Variants in PACC1 observed in about 807,000 individuals in gnomAD.
PACC1 encodes the protein proton activated chloride channel 1.
Under a neutral mutation model 39.7 loss-of-function variants are expected in PACC1, and 34 were observed. The ratio of observed to expected loss-of-function variants is 0.86; its 90% CI spans 0.65 to 1.14. The LOEUF is 1.14. Among genes scored for constraint, PACC1 ranks in the 50% most tolerant of loss-of-function variants. PACC1 has a pLI of 0.00. For synonymous variants in PACC1, 127 were observed against 160.6 expected, an observed-to-expected ratio of 0.79 and a Z score of 1.58; for missense variants, 379 against 436.4, an observed-to-expected ratio of 0.87 and a Z score of 1.17.
chr1:212,413,102 C>A (rs1354551435), intron 1 of PACC1, among the ~76,000 whole-genome samples: 1 of 152,176 alleles, frequency 6.6e-6, no homozygotes, highest in Non-Finnish European at 1.5e-5. Context: ...CCCAGGATTC[C>A]CCCACTGTTT....
intron 2 of PACC1, among the ~76,000 whole-genome samples, chr1:212,392,728 G>A (rs1399385886): frequency 2.0e-5 from 3 of 151,824 alleles, no homozygotes; most frequent in East Asian, 1.9e-4. Context: ...TCAAAATAAA[G>A]GGATGGAGGA....
chr1:212,371,496 CA>C (rs1660458599), intron 7 of PACC1, among the ~76,000 whole-genome samples: 1 of 151,724 alleles, frequency 6.6e-6, no homozygotes, highest in Non-Finnish European at 1.5e-5. Flanking sequence ...AAGATTGAAC[CA>C]TGAAGAAACA....
chr1:212,367,866 C>G (rs566501094), intron 7 of PACC1, among the ~76,000 whole-genome samples: 2 of 152,286 alleles, frequency 1.3e-5, no homozygotes, highest in Non-Finnish European at 2.9e-5. Context: ...GCCACCCTAG[C>G]AGGATGGACC....
intron 7 of PACC1, among the ~76,000 whole-genome samples, chr1:212,368,810 A>G (rs1331478244): frequency 6.6e-6 from 1 of 152,146 alleles, no homozygotes; most frequent in Non-Finnish European, 1.5e-5. Context: ...AGGCGGGCGG[A>G]TCACAAGGTC....
intron 2 of PACC1, among the ~76,000 whole-genome samples, chr1:212,409,522 G>C (rs1049577958): frequency 6.6e-6 from 1 of 152,052 alleles, no homozygotes; most frequent in Non-Finnish European, 1.5e-5. Flanking sequence ...AAGGGGATGA[G>C]AGGAAGGAAG....
intron 7 of PACC1, among the ~76,000 whole-genome samples, chr1:212,367,112 A>T (rs1225800729): frequency 6.6e-6 from 1 of 152,152 alleles, no homozygotes; most frequent in Non-Finnish European, 1.5e-5. Flanking sequence ...TTGACGTTAG[A>T]GGAGGTGGAG....
rs1441431800 is a variant in PACC1, at chr1:212,387,106, A to G, written c.134-6T>C. 1 of 1,613,362 alleles carries G rather than the reference A, an allele frequency of 6.2e-7. No individual in the cohort carries two copies. Among genetic ancestry groups the G allele is most frequent in the South Asian group, 1.1e-5 (1 of 91,054 alleles). On this transcript the variant is annotated splice_region_variant and splice_polypyrimidine_tract_variant and intron_variant, in intron 2 of 7. Coordinates refer to ENST00000261455, the MANE Select transcript of PACC1 (RefSeq NM_018252.3). ...GGCGGACTCGCTGTCCAGGCCTGAC[A>G]ACAACAAAACACCATGTGACCCAGG... is the stretch of plus-strand genomic sequence containing the variant.
intron 2 of PACC1, among the ~76,000 whole-genome samples, chr1:212,398,993 T>C (rs1661618706): frequency 6.6e-6 from 1 of 152,234 alleles, no homozygotes; most frequent in African/African-American, 2.4e-5. Flanking sequence ...CACAGGAACC[T>C]ACCCACAGCT....
Position 212,365,039 on chromosome 1 carries a change from G to T in PACC1, c.*176C>A. The T allele has an allele frequency of 4.2e-6, 2 of 481,098 alleles. No individual in the cohort carries two copies. The highest frequency in any genetic ancestry group is 3.9e-5 in the Admixed American group (1 of 25,504). The allele number at this position is 481,098 out of a possible 1,614,324, so 29.8% of individuals were successfully genotyped here. A position where few individuals can be genotyped will look rare whatever the true frequency, so the allele number is the denominator to read the frequency against. Reference sequence around the variant, plus strand: ...TTTATCCATTAGTCTCTTCTATTAGGCTCTACACCGCCTCTTTTGGGACGG... The same window carrying T: ...TTTATCCATTAGTCTCTTCTATTAGTCTCTACACCGCCTCTTTTGGGACGG... On this transcript the variant is annotated 3_prime_UTR_variant, in exon 8 of 8. Transcript: ENST00000261455.
intron 7 of PACC1, among the ~76,000 whole-genome samples, chr1:212,370,828 C>A (rs1315045992): frequency 1.3e-5 from 2 of 151,876 alleles, no homozygotes; most frequent in African/African-American, 4.8e-5. Context: ...ATGCCTACAT[C>A]AAAAAAAGTA....
At chr1:212,387,879 C>T (rs960169280) in intron 2 of PACC1, 2 of 151,920 alleles carry the variant, frequency 1.3e-5, no homozygotes, top group African/African-American at 4.8e-5. Flanking sequence ...CATGGTGAAA[C>T]CCCTGTCTCT....
intron 2 of PACC1, among the ~76,000 whole-genome samples, chr1:212,389,870 T>C (rs1212530417): frequency 2.6e-5 from 4 of 152,144 alleles, no homozygotes; most frequent in African/African-American, 4.8e-5. Flanking sequence ...CTAACCACTG[T>C]AAAAATGTTT....
At chr1:212,390,968 C>T (rs1015335452) in intron 2 of PACC1, among the ~76,000 whole-genome samples, 3 of 151,774 alleles carry the variant, frequency 2.0e-5, no homozygotes, top group Non-Finnish European at 1.5e-5. Flanking sequence ...TGGAGCCCAC[C>T]GCAGCTCAAG....
At chr1:212,379,857 A>C in intron 5 of PACC1, 38 bp downstream of exon 5, 1 of 1,612,290 alleles carries the variant, frequency 6.2e-7, no homozygotes, top group South Asian at 1.1e-5. Flanking sequence ...TAAGATAAAA[A>C]GTAGACAGTA....
chr1:212,375,588 A>G (rs1360573240), intron 6 of PACC1, among the ~76,000 whole-genome samples: 1 of 152,178 alleles, frequency 6.6e-6, no homozygotes, highest in African/African-American at 2.4e-5. Context: ...TGTACTCACA[A>G]TTAAACCATA....
chr1:212,388,907 G>C (rs560659096), intron 2 of PACC1, among the ~76,000 whole-genome samples: 1 of 152,098 alleles, frequency 6.6e-6, no homozygotes, highest in African/African-American at 2.4e-5. Flanking sequence ...TGAGAACAAG[G>C]GAAGCATCTG....
intron 2 of PACC1, among the ~76,000 whole-genome samples, chr1:212,399,195 C>T (rs1007855209): frequency 6.6e-6 from 1 of 152,230 alleles, no homozygotes; most frequent in Admixed American, 6.5e-5. Flanking sequence ...TCTGAAGTGA[C>T]TGATTTGTTG....
rs2102458566 is a variant in PACC1, at chr1:212,365,431, T to C, written c.892-55A>G. The C allele has an allele frequency of 5.5e-5, 30 of 545,186 alleles. No homozygotes were observed. In the South Asian group the frequency reaches 1.0e-3, roughly 19 times the overall value. The allele number at this position is 545,186 out of a possible 1,614,324, so 33.8% of individuals were successfully genotyped here. ...ACTGGTTTGCTTCAGTCTTGATTCT[T>C]TTTTTTTTTTTTTTTTTGAGATGGA... On this transcript the variant is annotated intron_variant, in intron 7 of 7. Coordinates refer to ENST00000261455, the MANE Select transcript of PACC1 (RefSeq NM_018252.3).
chr1:212,366,850 G>A (rs1213421034), intron 7 of PACC1, among the ~76,000 whole-genome samples: 1 of 152,164 alleles, frequency 6.6e-6, no homozygotes, highest in Non-Finnish European at 1.5e-5. Flanking sequence ...ATAATTAATA[G>A]TGGTAGTGGG....
Sources: gnomAD v4.1 joint callset for allele counts (sites outside exome capture counted in the v4.1 genomes callset) on GRCh38, gnomAD v4.1.1 for gene constraint, MANE v1.5 for transcripts, NCBI Gene and HGNC (gene_info 2026-07-23, HGNC 2026-07-21) for gene names.